SGIP1: variants seen among roughly 807,000 people sequenced by gnomAD.
The protein encoded by SGIP1 is SH3-containing GRB2-like protein 3-interacting protein 1.
Under a neutral mutation model 107.5 loss-of-function variants are expected in SGIP1, and 38 were observed. That is an observed-to-expected ratio of 0.35 (90% confidence interval 0.27 to 0.46). The LOEUF (loss-of-function observed/expected upper bound fraction) is 0.46. Ranked by LOEUF, SGIP1 falls within the 20% of genes least tolerant of loss-of-function variation. The probability of loss-of-function intolerance (pLI) is 1.00; values close to 1 mark genes in which losing one functional copy is unlikely to be tolerated. For missense variants in SGIP1, 929 were observed against 1,019.5 expected (o/e 0.91, Z 1.21); for synonymous variants, 365 against 366.1 (o/e 1.00, Z 0.03).
At chr1:66,714,663 C>T (rs1300037048) in intron 18 of SGIP1, among the ~76,000 whole-genome samples, 1 of 152,046 alleles carries the variant, frequency 6.6e-6, no homozygotes, top group Non-Finnish European at 1.5e-5. Flanking sequence ...ATCATAGAAT[C>T]TTAAAACACA....
At chr1:66,676,796 C>T (rs1170064856) in intron 12 of SGIP1, among the ~76,000 whole-genome samples, 1 of 152,042 alleles carries the variant, frequency 6.6e-6, no homozygotes, top group Non-Finnish European at 1.5e-5. Flanking sequence ...CACACACAGA[C>T]ACTCCTCCCA....
intron 1 of SGIP1, among the ~76,000 whole-genome samples, chr1:66,551,845 T>C (rs569729033): frequency 1.2e-4 from 19 of 152,228 alleles, no homozygotes; most frequent in Admixed American, 1.2e-3. Flanking sequence ...AAGTCCAAGA[T>C]TGTAGATTCT....
intron 1 of SGIP1, among the ~76,000 whole-genome samples, chr1:66,619,112 C>A (rs764423193): frequency 1.3e-5 from 2 of 152,176 alleles, no homozygotes; most frequent in Admixed American, 6.5e-5. Flanking sequence ...TAAAGCTCCT[C>A]TTCTTCTCCA....
At chr1:66,541,160 T>G (rs2054839032) in intron 1 of SGIP1, among the ~76,000 whole-genome samples, 2 of 152,266 alleles carry the variant, frequency 1.3e-5, no homozygotes, top group Non-Finnish European at 2.9e-5. Flanking sequence ...AACCCTCTTC[T>G]GCAACTCCTA....
intron 14 of SGIP1, among the ~76,000 whole-genome samples, chr1:66,680,597 G>A (rs949597714): frequency 6.6e-6 from 1 of 152,216 alleles, no homozygotes; most frequent in Non-Finnish European, 1.5e-5. Context: ...AAACCCAATA[G>A]AGAGTCATCC....
At chr1:66,555,843 T>G (rs527820933) in intron 1 of SGIP1, among the ~76,000 whole-genome samples, 1 of 152,228 alleles carries the variant, frequency 6.6e-6, no homozygotes, top group Admixed American at 6.5e-5. Context: ...CCATTAAACT[T>G]ACAACAGTAT....
At chr1:66,574,263 C>T (rs2060757679) in intron 1 of SGIP1, among the ~76,000 whole-genome samples, 1 of 152,078 alleles carries the variant, frequency 6.6e-6, no homozygotes, top group Non-Finnish European at 1.5e-5. Context: ...ATCACTTCCA[C>T]TCAAGTTCCA....
intron 1 of SGIP1, among the ~76,000 whole-genome samples, chr1:66,541,987 T>C (rs113869281): frequency 1.6e-4 from 25 of 152,246 alleles, no homozygotes; most frequent in African/African-American, 5.8e-4. Flanking sequence ...AATGTCTCTG[T>C]GTGGTAGAAA....
In SGIP1 at chr1:66,566,735, G is replaced by A. The variant is rs544453894; in HGVS notation, c.10+32367G>A. Among the ~76,000 whole-genome samples the A allele has an allele frequency of 7.9e-5, 12 of 152,014 alleles. No homozygotes were observed. In the East Asian group the frequency reaches 2.1e-3, roughly 27 times the overall value. ...CTACCTTAAGTTCTGGCATACACGT[G>A]CAGAAAGTGCAGTTTTGTTACATAG... On this transcript the variant is annotated intron_variant, in intron 1 of 24. Transcript: ENST00000371037.
At chr1:66,567,629 G>A (rs909920939) in intron 1 of SGIP1, among the ~76,000 whole-genome samples, 2 of 151,962 alleles carry the variant, frequency 1.3e-5, no homozygotes. Context: ...GGGTTTTTAT[G>A]GTTTTAGGTT....
At chr1:66,533,845 AG>A (rs1277301364), upstream of SGIP1, among the ~76,000 whole-genome samples, 2 of 152,144 alleles carry the variant, frequency 1.3e-5, no homozygotes, top group East Asian at 3.9e-4. Flanking sequence ...TCCCCTGTTA[AG>A]GTGGCAGCCC....
intron 1 of SGIP1, among the ~76,000 whole-genome samples, chr1:66,600,174 G>A (rs1463960594): frequency 6.6e-6 from 1 of 151,986 alleles, no homozygotes; most frequent in African/African-American, 2.4e-5. Context: ...TGTGCCTTTG[G>A]GCTCATTTCA....
At chr1:66,717,286 G>A (rs1330090243) in intron 18 of SGIP1, among the ~76,000 whole-genome samples, 1 of 152,168 alleles carries the variant, frequency 6.6e-6, no homozygotes, top group Non-Finnish European at 1.5e-5. Context: ...GAAGCTGGTA[G>A]TTGCTCAATA....
chr1:66,536,415 T>G (rs2053622482), intron 1 of SGIP1, among the ~76,000 whole-genome samples: 1 of 152,206 alleles, frequency 6.6e-6, no homozygotes, highest in Non-Finnish European at 1.5e-5. Context: ...TTCGGTGACC[T>G]TAGAAAGGCA....
chr1:66,697,125 G>A (rs1056388320), intron 18 of SGIP1, among the ~76,000 whole-genome samples: 4 of 152,174 alleles, frequency 2.6e-5, no homozygotes, highest in African/African-American at 9.7e-5. Context: ...TAGTGTATGT[G>A]TCAGCTTATT....
intron 1 of SGIP1, among the ~76,000 whole-genome samples, chr1:66,604,208 G>C (rs752159342): frequency 6.6e-6 from 1 of 152,094 alleles, no homozygotes; most frequent in Non-Finnish European, 1.5e-5. Flanking sequence ...TGTTTCTACC[G>C]ATAAAAGAAG....
rs925747127 is a variant in SGIP1, at chr1:66,750,513, A to G, written c.*7418A>G. The stretch of plus-strand genomic sequence containing the variant: ...TCTCTTTGATCTATGTAGCAAAAAT[A>G]CACTAAATTTCTTTTTAATCTTGTA... On this transcript the variant is annotated 3_prime_UTR_variant, in exon 25 of 25. Transcript: ENST00000371037. Among the ~76,000 whole-genome samples, 4 of 152,216 alleles carry G rather than the reference A, an allele frequency of 2.6e-5. No homozygotes were observed. Among genetic ancestry groups the G allele is most frequent in the Non-Finnish European group, 5.9e-5 (4 of 68,028 alleles).
chr1:66,690,133 A>G (rs1480988307), intron 16 of SGIP1, 57 bp from the exon 17 acceptor site: 1 of 1,599,336 alleles, frequency 6.3e-7, no homozygotes, highest in East Asian at 2.2e-5. Context: ...AAAAATATGG[A>G]GCAAAAATAC....
chr1:66,637,775 CTATT>C (rs1296412829), intron 4 of SGIP1, among the ~76,000 whole-genome samples: 3 of 148,770 alleles, frequency 2.0e-5, no homozygotes, highest in South Asian at 4.3e-4. Context: ...CTGTGTATGT[CTATT>C]TATATATATG....
Sources: allele counts gnomAD v4.1 joint callset (sites outside exome capture counted in the v4.1 genomes callset), GRCh38; gene constraint gnomAD v4.1.1; transcripts MANE v1.5; gene names NCBI Gene and HGNC (gene_info 2026-07-23, HGNC 2026-07-21).